Variants in MARCO observed in about 807,000 individuals in gnomAD.
The protein encoded by MARCO is macrophage receptor MARCO.
Under a neutral mutation model 70.0 loss-of-function variants are expected in MARCO, and 72 were observed. That is an observed-to-expected ratio of 1.03 (90% CI 0.85 to 1.25). The LOEUF is 1.25. Among genes scored for constraint, MARCO ranks in the 50% most tolerant of loss-of-function variants. MARCO has a pLI of 0.00. For missense variants in MARCO, 696 were observed against 659.3 expected (o/e 1.06, Z -0.61); for synonymous variants, 273 against 243.1 (o/e 1.12, Z -1.14).
chr2:118,969,412 G>A (rs1380107583), intron 2 of MARCO, 151 bp downstream of exon 2: 2 of 631,488 alleles, frequency 3.2e-6, no homozygotes, highest in Non-Finnish European at 5.6e-6. Flanking sequence ...CAGCCACAGT[G>A]ATGAGAGGAG....
At chr2:118,961,492 C>T (rs1343688089) in intron 1 of MARCO, among the ~76,000 whole-genome samples, 6 of 152,010 alleles carry the variant, frequency 3.9e-5, no homozygotes, top group Non-Finnish European at 5.9e-5. Flanking sequence ...TCTTTTCTTG[C>T]GTATGTTGGC....
rs1173425495 is a variant in MARCO, at chr2:118,986,726, GAAA to G, written c.1064-3862_1064-3860del. 1.0e-3 allele frequency among the ~76,000 whole-genome samples: 113 copies of G among 107,816 alleles called. 17 individuals are homozygous for G. The highest frequency in any genetic ancestry group is 7.1e-3 in the East Asian group (23 of 3,232). 70.7% of individuals were successfully genotyped at this position (107,816 alleles called of 152,430 possible). On this transcript the variant is annotated intron_variant, in intron 12 of 16. Coordinates refer to ENST00000327097, the MANE Select transcript of MARCO (RefSeq NM_006770.4). Reference sequence around the variant, plus strand: ...GAAAGAAAGAAAGAAAGAAAGAAAAGAAAGAAAGAAAGAGAAAGAAAGAGAAAG... The same window carrying G: ...GAAAGAAAGAAAGAAAGAAAGAAAAGGAAAGAAAGAGAAAGAAAGAGAAAG...
intron 1 of MARCO, among the ~76,000 whole-genome samples, chr2:118,953,562 G>A (rs1232859983): frequency 6.6e-6 from 1 of 152,196 alleles, no homozygotes; most frequent in African/African-American, 2.4e-5. Context: ...AACGATGGTG[G>A]ATGAGAGGCG....
At chr2:118,971,033 C>T (rs753079047) in intron 3 of MARCO, among the ~76,000 whole-genome samples, 19 of 152,198 alleles carry the variant, frequency 1.2e-4, no homozygotes, top group Non-Finnish European at 1.5e-4. Flanking sequence ...CCAATCCCTC[C>T]AGAGGCTGTG....
At chr2:118,966,063 G>C (rs1035306670) in intron 1 of MARCO, among the ~76,000 whole-genome samples, 1 of 151,206 alleles carries the variant, frequency 6.6e-6, no homozygotes, top group Non-Finnish European at 1.5e-5. Flanking sequence ...CCCAGGAGGT[G>C]GCAGACCTGG....
At position 118,986,739 on chromosome 2, in the gene MARCO, A is replaced by AAAGAAAGG. The variant is rs137896575; in HGVS notation, c.1064-3850_1064-3849insAAGAAAGG. 4.9e-4 allele frequency among the ~76,000 whole-genome samples: 62 copies of AAAGAAAGG among 127,214 alleles called. 5 individuals carry two copies. The highest frequency in any genetic ancestry group is 2.3e-3 in the African/African-American group (54 of 23,676). The allele number at this position is 127,214 out of a possible 152,430, so 83.5% of individuals were successfully genotyped here. On this transcript the variant is annotated intron_variant, in intron 12 of 16. Coordinates refer to ENST00000327097, the MANE Select transcript of MARCO (RefSeq NM_006770.4). Reference sequence around the variant, plus strand: ...AAAGAAAGAAAAGAAAGAAAGAAAGAGAAAGAAAGAGAAAGAAAGAAGAAA... The same window carrying AAAGAAAGG: ...AAAGAAAGAAAAGAAAGAAAGAAAGAAAGAAAGGGAAAGAAAGAGAAAGAAAGAAGAAA...
chr2:118,955,052 A>G (rs1319572782), intron 1 of MARCO, among the ~76,000 whole-genome samples: 1 of 151,662 alleles, frequency 6.6e-6, no homozygotes, highest in Non-Finnish European at 1.5e-5. Flanking sequence ...AAAAATAGAA[A>G]AAAAAAAAAT....
chr2:118,977,424 G>T (rs1229978136), intron 6 of MARCO, 47 bp from the exon 7 acceptor site: 1 of 1,498,924 alleles, frequency 6.7e-7, no homozygotes, highest in South Asian at 1.1e-5. Context: ...AGACATTTTA[G>T]ACATTCTCAG....
intron 12 of MARCO, among the ~76,000 whole-genome samples, chr2:118,990,185 G>A (rs754726824): frequency 1.3e-5 from 2 of 152,176 alleles, no homozygotes; most frequent in African/African-American, 2.4e-5. Flanking sequence ...GCTCCTGGTG[G>A]CCACTGAGCC....
At chr2:118,981,102 A>G (rs1215704971) in intron 8 of MARCO, among the ~76,000 whole-genome samples, 1 of 152,160 alleles carries the variant, frequency 6.6e-6, no homozygotes, top group Non-Finnish European at 1.5e-5. Flanking sequence ...AAATGCAGAC[A>G]CTAAAACAAG....
chr2:118,953,603 A>G (rs899451905), intron 1 of MARCO, among the ~76,000 whole-genome samples: 4 of 152,200 alleles, frequency 2.6e-5, no homozygotes, highest in African/African-American at 9.6e-5. Flanking sequence ...ACAGAGCAGC[A>G]TGCAGAGGCT....
In MARCO at chr2:118,955,786, G is replaced by A. The variant is rs142339041; in HGVS notation, c.98-13374G>A. Among the ~76,000 whole-genome samples the A allele has an allele frequency of 1.6e-3, 245 of 152,280 alleles. 5 individuals are homozygous for A. The East Asian group carries it at 0.046, about 28-fold the overall frequency. On this transcript the variant is annotated intron_variant, in intron 1 of 16. Transcript: ENST00000327097. ...GAAACCCTACAAGCTAGAAGGGATT[G>A]GGGCCCTATCTTCTGCCTCCTCAAG...
intron 1 of MARCO, among the ~76,000 whole-genome samples, chr2:118,947,444 G>A (rs1461258241): frequency 6.6e-6 from 1 of 152,116 alleles, no homozygotes; most frequent in African/African-American, 2.4e-5. Flanking sequence ...CCAAGTAGCT[G>A]GGACTAGAGG....
intron 12 of MARCO, among the ~76,000 whole-genome samples, chr2:118,986,981 G>C (rs1320596741): frequency 6.6e-6 from 1 of 152,110 alleles, no homozygotes; most frequent in Non-Finnish European, 1.5e-5. Flanking sequence ...AAGAACACCA[G>C]GTCCCTGACA....
intron 1 of MARCO, among the ~76,000 whole-genome samples, chr2:118,964,862 T>A: frequency 6.9e-6 from 1 of 145,844 alleles, no homozygotes. Flanking sequence ...CACTCCAGCC[T>A]GGGCGACAGA....
chr2:118,967,007 A>G lies in MARCO; in HGVS notation c.98-2153A>G, dbSNP rs79963958. ...CCCAAACCTCTGTAGCCACTCATTCATTCATCTATTCAGTCATCATCTTCC... is the reference window on the plus strand; with the variant it reads ...CCCAAACCTCTGTAGCCACTCATTCGTTCATCTATTCAGTCATCATCTTCC... On this transcript the variant is annotated intron_variant, in intron 1 of 16. Coordinates refer to ENST00000327097, the MANE Select transcript of MARCO (RefSeq NM_006770.4). 2.7e-3 allele frequency among the ~76,000 whole-genome samples: 409 copies of G among 152,320 alleles called. 15 individuals are homozygous for G. In the East Asian group the frequency reaches 0.069, roughly 26 times the overall value.
intron 12 of MARCO, 87 bp downstream of exon 12, chr2:118,982,497 G>T: frequency 8.0e-7 from 1 of 1,257,852 alleles, no homozygotes; most frequent in South Asian, 1.2e-5. Context: ...TAGGCCCACG[G>T]AGGAGGCAGA....
chr2:118,955,634 C>A (rs1302766858), intron 1 of MARCO, among the ~76,000 whole-genome samples: 1 of 152,096 alleles, frequency 6.6e-6, no homozygotes, highest in Non-Finnish European at 1.5e-5. Flanking sequence ...AAAGATCTTC[C>A]CCTAGACACA....
chr2:118,982,911 C>A (rs182224837), intron 12 of MARCO, among the ~76,000 whole-genome samples: 7 of 152,196 alleles, frequency 4.6e-5, no homozygotes, highest in Non-Finnish European at 7.3e-5. Flanking sequence ...AGGTTATATA[C>A]CATCATGTCT....
Sources: gnomAD v4.1 joint callset for allele counts (sites outside exome capture counted in the v4.1 genomes callset) on GRCh38, gnomAD v4.1.1 for gene constraint, MANE v1.5 for transcripts, NCBI Gene and HGNC (gene_info 2026-07-23, HGNC 2026-07-21) for gene names.